Variants in KCNIP4 observed in about 807,000 individuals in gnomAD.
KCNIP4 encodes the protein Kv channel-interacting protein 4.
Under a neutral mutation model 34.0 loss-of-function variants are expected in KCNIP4, and 12 were observed. That is an observed-to-expected ratio of 0.35 (90% CI 0.23 to 0.57). The LOEUF is 0.57. Among genes scored for constraint, KCNIP4 ranks in the 20% least tolerant of loss-of-function variants. The probability of loss-of-function intolerance (pLI) is 0.83; values close to 1 mark genes in which losing one functional copy is unlikely to be tolerated. For synonymous variants in KCNIP4, 124 were observed against 102.2 expected, an observed-to-expected ratio of 1.21 and a Z score of -1.29; for missense variants, 238 against 311.7, an observed-to-expected ratio of 0.76 and a Z score of 1.78.
In KCNIP4 at chr4:21,116,185, T is replaced by C. The variant is rs141256247; in HGVS notation, c.62-233476A>G. 3.0e-3 allele frequency among the ~76,000 whole-genome samples: 458 copies of C among 152,346 alleles called. 2 individuals are homozygous for C. Among genetic ancestry groups the C allele is most frequent in the African/African-American group, 0.01 (435 of 41,580 alleles). On this transcript the variant is annotated intron_variant, in intron 1 of 8. Coordinates refer to ENST00000382152, the MANE Select transcript of KCNIP4 (RefSeq NM_025221.6). Reference sequence around the variant, plus strand: ...CAAGTAAGATTTTTAAAATTCCTTTTCTTGAAGAGTGCCCTCCAAACTGTT... The same window carrying C: ...CAAGTAAGATTTTTAAAATTCCTTTCCTTGAAGAGTGCCCTCCAAACTGTT...
intron 1 of KCNIP4, among the ~76,000 whole-genome samples, chr4:21,577,060 TA>T (rs1354534070): frequency 6.6e-6 from 1 of 152,140 alleles, no homozygotes; most frequent in Non-Finnish European, 1.5e-5. Flanking sequence ...GTTTAATAAA[TA>T]CCACCCCATA....
At chr4:21,729,366 T>C (rs1715424506) in intron 1 of KCNIP4, among the ~76,000 whole-genome samples, 1 of 152,146 alleles carries the variant, frequency 6.6e-6, no homozygotes, top group African/African-American at 2.4e-5. Context: ...AGTGACTACT[T>C]AGAATAGATG....
chr4:21,869,308 T>C (rs1725621144), intron 1 of KCNIP4, among the ~76,000 whole-genome samples: 1 of 152,146 alleles, frequency 6.6e-6, no homozygotes, highest in African/African-American at 2.4e-5. Context: ...AGAACTCCTT[T>C]TCCTTTATTC....
intron 1 of KCNIP4, among the ~76,000 whole-genome samples, chr4:20,956,988 T>C (rs1405974454): frequency 6.6e-6 from 1 of 151,844 alleles, no homozygotes; most frequent in South Asian, 2.1e-4. Flanking sequence ...TGATTAGTAG[T>C]GTTACAATTT....
chr4:21,026,253 G>A (rs1374695499), intron 1 of KCNIP4, among the ~76,000 whole-genome samples: 2 of 152,136 alleles, frequency 1.3e-5, no homozygotes, highest in African/African-American at 2.4e-5. Flanking sequence ...TCTCAGAGAA[G>A]CCTGTACATC....
At chr4:20,897,763 G>A (rs1013674420) in intron 1 of KCNIP4, among the ~76,000 whole-genome samples, 3 of 152,124 alleles carry the variant, frequency 2.0e-5, no homozygotes, top group African/African-American at 4.8e-5. Context: ...AAGGAAAGAC[G>A]CCTGCTGGCA....
intron 1 of KCNIP4, among the ~76,000 whole-genome samples, chr4:21,888,691 C>G (rs1301066465): frequency 1.3e-5 from 2 of 152,058 alleles, no homozygotes; most frequent in Non-Finnish European, 2.9e-5. Flanking sequence ...ATTCACCATG[C>G]TATTATAACT....
Position 21,594,901 on chromosome 4 carries a change from T to C in KCNIP4, c.61+353670A>G, listed in dbSNP as rs371331964. Among the ~76,000 whole-genome samples, 28 of 152,142 alleles carry C rather than the reference T, an allele frequency of 1.8e-4. 2 individuals carry two copies. The South Asian group carries it at 5.8e-3, about 32-fold the overall frequency. On this transcript the variant is annotated intron_variant, in intron 1 of 8. Transcript: ENST00000382152. ...GGCACATTCCATTTGGAATATTATGTTGGTGCAAAAGTAACTGTGGTTTTG... is the reference window on the plus strand; with the variant it reads ...GGCACATTCCATTTGGAATATTATGCTGGTGCAAAAGTAACTGTGGTTTTG...
At chr4:21,451,131 G>T (rs1236587169) in intron 1 of KCNIP4, among the ~76,000 whole-genome samples, 2 of 152,114 alleles carry the variant, frequency 1.3e-5, no homozygotes, top group Admixed American at 6.6e-5. Context: ...CACAGGCAGT[G>T]GGGGAATTTT....
intron 3 of KCNIP4, among the ~76,000 whole-genome samples, chr4:20,840,189 C>T (rs1578746196): frequency 1.3e-5 from 2 of 152,140 alleles, no homozygotes; most frequent in Non-Finnish European, 2.9e-5. Context: ...TGAGACTTCA[C>T]TCAGAAAGAA....
At chr4:21,548,625 C>A (rs1738324573) in intron 1 of KCNIP4, among the ~76,000 whole-genome samples, 1 of 150,774 alleles carries the variant, frequency 6.6e-6, no homozygotes, top group Admixed American at 6.6e-5. Flanking sequence ...ATACTCATTA[C>A]ATAAAGTGCT....
chr4:21,297,610 A>T (rs983596291), intron 1 of KCNIP4, among the ~76,000 whole-genome samples: 7 of 152,064 alleles, frequency 4.6e-5, no homozygotes, highest in African/African-American at 1.7e-4. Context: ...TCTCTCTGGG[A>T]CTCAGTTTCC....
intron 1 of KCNIP4, among the ~76,000 whole-genome samples, chr4:21,096,753 TAATTTA>T (rs1296974997): frequency 6.6e-6 from 1 of 152,162 alleles, no homozygotes; most frequent in African/African-American, 2.4e-5. Flanking sequence ...TGAATAATTT[TAATTTA>T]AAGAGAAGAC....
At chr4:21,854,890 C>T (rs1724653431) in intron 1 of KCNIP4, among the ~76,000 whole-genome samples, 1 of 152,144 alleles carries the variant, frequency 6.6e-6, no homozygotes, top group African/African-American at 2.4e-5. Context: ...TGTGTATCTG[C>T]CTTGAGAGTT....
chr4:21,742,123 T>C (rs16871810), intron 1 of KCNIP4, among the ~76,000 whole-genome samples: 9,621 of 152,174 alleles, frequency 0.063, 1,043 homozygotes, highest in African/African-American at 0.22. Context: ...AAGTACCAAA[T>C]TGAAACAGCG....
intron 1 of KCNIP4, among the ~76,000 whole-genome samples, chr4:21,757,746 A>C (rs1255966896): frequency 6.6e-6 from 1 of 152,222 alleles, no homozygotes; most frequent in African/African-American, 2.4e-5. Context: ...CCCATTCAAT[A>C]AGTGTTCATT....
chr4:21,133,594 C>T (rs544107435), intron 1 of KCNIP4, among the ~76,000 whole-genome samples: 38 of 152,308 alleles, frequency 2.5e-4, no homozygotes, highest in South Asian at 1.2e-3. Context: ...CTTCATCTTC[C>T]ATCATCCTAA....
At chr4:21,283,332 C>G (rs1178987345) in intron 1 of KCNIP4, among the ~76,000 whole-genome samples, 1 of 151,736 alleles carries the variant, frequency 6.6e-6, no homozygotes, top group African/African-American at 2.4e-5. Context: ...TACATTTTTC[C>G]TTCATAAAAT....
intron 1 of KCNIP4, among the ~76,000 whole-genome samples, chr4:21,535,502 AT>A (rs973108055): frequency 6.6e-6 from 1 of 151,682 alleles, no homozygotes. Flanking sequence ...ATGTTTCTAT[AT>A]TTTTTTTGCC....
Sources: allele counts gnomAD v4.1 joint callset (sites outside exome capture counted in the v4.1 genomes callset), GRCh38; gene constraint gnomAD v4.1.1; transcripts MANE v1.5; gene names NCBI Gene and HGNC (gene_info 2026-07-23, HGNC 2026-07-21).